NEGR1: variants seen among roughly 807,000 people sequenced by gnomAD.
NEGR1 encodes neuronal growth regulator 1.
In NEGR1, 10 loss-of-function variants were observed where a neutral mutation model predicts 40.9. The ratio of observed to expected loss-of-function variants is 0.24; its 90% confidence interval spans 0.15 to 0.42. The LOEUF (loss-of-function observed/expected upper bound fraction) is 0.42. Ranked by LOEUF, NEGR1 falls within the 10% of genes least tolerant of loss-of-function variation. The probability of loss-of-function intolerance (pLI) is 1.00; values close to 1 mark genes in which losing one functional copy is unlikely to be tolerated. For synonymous variants in NEGR1, 185 were observed against 166.8 expected (o/e 1.11, Z -0.84); for missense variants, 352 against 438.9 (o/e 0.80, Z 1.77).
intron 6 of NEGR1, among the ~76,000 whole-genome samples, chr1:71,506,056 G>A (rs768507768): frequency 1.9e-4 from 29 of 152,036 alleles, no homozygotes; most frequent in Admixed American, 1.3e-3. Flanking sequence ...GGGAATAGTG[G>A]GTCTGCCTTT....
chr1:72,169,786 C>A lies in NEGR1; in HGVS notation c.176+112533G>T, dbSNP rs867019996. ...CTGACACTTCCTAATGCTTGAGAAT[C>A]TTTTCCAAATTTAGTGAACTTTAAT... On this transcript the variant is annotated intron_variant, in intron 1 of 6. Coordinates refer to ENST00000357731, the MANE Select transcript of NEGR1 (RefSeq NM_173808.3). 5.3e-5 allele frequency among the ~76,000 whole-genome samples: 8 copies of A among 152,254 alleles called. No homozygotes were observed. In the South Asian group the frequency reaches 1.0e-3, roughly 20 times the overall value.
intron 2 of NEGR1, among the ~76,000 whole-genome samples, chr1:71,803,796 T>C (rs1263981257): frequency 6.6e-6 from 1 of 152,216 alleles, no homozygotes; most frequent in African/African-American, 2.4e-5. Context: ...GTTTTGTTTC[T>C]TGTCCCTTCT....
chr1:72,278,658 G>T (rs1656144873), intron 1 of NEGR1, among the ~76,000 whole-genome samples: 1 of 151,838 alleles, frequency 6.6e-6, no homozygotes, highest in Admixed American at 6.6e-5. Context: ...AACCAATGTG[G>T]TTCTAGCACT....
chr1:71,549,043 T>C (rs75401279), intron 6 of NEGR1, among the ~76,000 whole-genome samples: 3,223 of 151,842 alleles, frequency 0.021, 52 homozygotes, highest in Admixed American at 0.031. Flanking sequence ...AACTTTATCC[T>C]TCTGGACACC....
intron 1 of NEGR1, among the ~76,000 whole-genome samples, chr1:72,117,288 T>C (rs1252268969): frequency 6.6e-6 from 1 of 151,220 alleles, no homozygotes; most frequent in East Asian, 1.9e-4. Flanking sequence ...GAGATGTTTA[T>C]GCATTTTTGT....
chr1:72,066,015 C>G (rs1216381890), intron 1 of NEGR1, among the ~76,000 whole-genome samples: 2 of 152,088 alleles, frequency 1.3e-5, no homozygotes, highest in Non-Finnish European at 2.9e-5. Context: ...ATTCCCCTTC[C>G]CTTTAGAAAG....
At chr1:71,899,867 T>A (rs1315221239) in intron 2 of NEGR1, among the ~76,000 whole-genome samples, 1 of 152,164 alleles carries the variant, frequency 6.6e-6, no homozygotes, top group Non-Finnish European at 1.5e-5. Context: ...AGGGTCAGTA[T>A]CAATGGTCAA....
At chr1:72,216,262 G>T (rs1381996663) in intron 1 of NEGR1, among the ~76,000 whole-genome samples, 1 of 150,730 alleles carries the variant, frequency 6.6e-6, no homozygotes, top group African/African-American at 2.4e-5. Flanking sequence ...TGCATGTGGG[G>T]CTTAAAACCT....
intron 3 of NEGR1, among the ~76,000 whole-genome samples, chr1:71,703,869 G>GA (rs1447263767): frequency 3.3e-5 from 5 of 151,736 alleles, no homozygotes; most frequent in African/African-American, 7.2e-5. Flanking sequence ...AAAGGGGACA[G>GA]AAAAAATATA....
At chr1:71,437,280 G>C (rs1160740604) in intron 6 of NEGR1, among the ~76,000 whole-genome samples, 1 of 151,992 alleles carries the variant, frequency 6.6e-6, no homozygotes, top group Non-Finnish European at 1.5e-5. Flanking sequence ...GAGGTTTTTA[G>C]GGAGTGATAA....
intron 6 of NEGR1, among the ~76,000 whole-genome samples, chr1:71,520,553 T>G (rs1005598643): frequency 6.6e-6 from 1 of 152,094 alleles, no homozygotes; most frequent in Non-Finnish European, 1.5e-5. Flanking sequence ...TTACAATAAT[T>G]AATGAATTAG....
At chr1:72,146,011 G>A (rs2100345278) in intron 1 of NEGR1, among the ~76,000 whole-genome samples, 1 of 6,466 alleles carries the variant, frequency 1.5e-4, no homozygotes, top group South Asian at 0.038. Context: ...GTTTTCACAT[G>A]CTGTGTATTT....
rs1246992943 is a variant in NEGR1, at chr1:72,240,960, TTAA to T, written c.176+41356_176+41358del. Among the ~76,000 whole-genome samples, 5 of 151,928 alleles carry T rather than the reference TTAA, an allele frequency of 3.3e-5. No homozygotes were observed. In the Admixed American group the frequency reaches 3.3e-4, roughly 10 times the overall value. Reference sequence around the variant, plus strand: ...TTAAAAGACACCTGCTTTTCTTCAGTTAATAATGTAAAAATAAAATTAGATAAA... The same window carrying T: ...TTAAAAGACACCTGCTTTTCTTCAGTTAATGTAAAAATAAAATTAGATAAA... On this transcript the variant is annotated intron_variant, in intron 1 of 6. Coordinates refer to ENST00000357731, the MANE Select transcript of NEGR1 (RefSeq NM_173808.3).
chr1:72,011,151 C>G (rs1032549450), intron 1 of NEGR1, among the ~76,000 whole-genome samples: 1 of 152,062 alleles, frequency 6.6e-6, no homozygotes, highest in Admixed American at 6.5e-5. Context: ...CAATGAAGAT[C>G]AATTTGAGCA....
At chr1:72,061,212 T>C (rs539997159) in intron 1 of NEGR1, among the ~76,000 whole-genome samples, 70 of 151,816 alleles carry the variant, frequency 4.6e-4, no homozygotes, top group Middle Eastern at 3.4e-3. Flanking sequence ...GAACTATAGA[T>C]GTAAAAACTG....
chr1:72,012,121 T>C (rs1646662447), intron 1 of NEGR1, among the ~76,000 whole-genome samples: 2 of 152,214 alleles, frequency 1.3e-5, no homozygotes, highest in South Asian at 4.2e-4. Flanking sequence ...TATATTATAT[T>C]AGTATGTTAG....
In NEGR1 at chr1:71,831,084, T is replaced by C. The variant is rs370817030; in HGVS notation, c.410-54787A>G. ...AGTCCATTGCATGAACTAATGAAAA[T>C]AGAAACTATAGTAGCCTTCTTTGAC... On this transcript the variant is annotated intron_variant, in intron 2 of 6. Coordinates refer to ENST00000357731, the MANE Select transcript of NEGR1 (RefSeq NM_173808.3). 4.6e-5 allele frequency among the ~76,000 whole-genome samples: 7 copies of C among 152,042 alleles called. No homozygotes were observed. In the East Asian group the frequency reaches 5.8e-4, roughly 13 times the overall value.
chr1:72,106,442 A>C (rs1476887116), intron 1 of NEGR1, among the ~76,000 whole-genome samples: 1 of 151,950 alleles, frequency 6.6e-6, no homozygotes, highest in South Asian at 2.1e-4. Flanking sequence ...AGTAGGAAAA[A>C]CTTCAGTAGA....
intron 1 of NEGR1, among the ~76,000 whole-genome samples, chr1:72,031,129 AT>A (rs749455869): frequency 3.3e-5 from 5 of 152,196 alleles, no homozygotes; most frequent in Non-Finnish European, 5.9e-5. Context: ...CTGGTTTGAA[AT>A]TGGACCTTTC....
Sources: gnomAD v4.1 joint callset for allele counts (sites outside exome capture counted in the v4.1 genomes callset) on GRCh38, gnomAD v4.1.1 for gene constraint, MANE v1.5 for transcripts, NCBI Gene and HGNC (gene_info 2026-07-23, HGNC 2026-07-21) for gene names.